NSRP1: variants seen among roughly 807,000 people sequenced by gnomAD.
NSRP1 encodes coiled-coil domain containing 55.
A neutral mutation model predicts 54.7 loss-of-function variants in NSRP1; 24 were observed. That is an observed-to-expected ratio of 0.44 (90% CI 0.32 to 0.62). The LOEUF (loss-of-function observed/expected upper bound fraction) is 0.62. Ranked by LOEUF, NSRP1 falls within the 20% of genes least tolerant of loss-of-function variation. The pLI is 0.06. For missense variants in NSRP1, 596 were observed against 651.2 expected, an observed-to-expected ratio of 0.92 and a Z score of 0.92; for synonymous variants, 210 against 213.8, an observed-to-expected ratio of 0.98 and a Z score of 0.15.
At chr17:30,175,792 A>G (rs943046768) in intron 3 of NSRP1, among the ~76,000 whole-genome samples, 3 of 152,152 alleles carry the variant, frequency 2.0e-5, no homozygotes, top group African/African-American at 7.2e-5. Context: ...ATGGTCCAGT[A>G]TATAGTCAGT....
At chr17:30,163,248 T>TGTGTGTGTGTG (rs1567801745) in intron 2 of NSRP1, 7 of 131,366 alleles carry the variant, frequency 5.3e-5, no homozygotes, top group African/African-American at 1.5e-4. Context: ...TGTGTGTGTG[T>TGTGTGTGTGTG]TTTTAGTAGA....
intron 1 of NSRP1, chr17:30,117,135 C>A: frequency 1.4e-6 from 1 of 734,658 alleles, no homozygotes. Flanking sequence ...TCCAAAAGCT[C>A]GGTCTGAGGC....
chr17:30,176,006 C>T (rs1212043162), intron 3 of NSRP1, among the ~76,000 whole-genome samples: 2 of 151,286 alleles, frequency 1.3e-5, no homozygotes, highest in South Asian at 2.1e-4. Context: ...CCGAACCCCC[C>T]CCCCAAAAAA....
At chr17:30,176,665 T>C (rs1905138576) in intron 3 of NSRP1, among the ~76,000 whole-genome samples, 1 of 146,180 alleles carries the variant, frequency 6.8e-6, no homozygotes, top group Non-Finnish European at 1.5e-5. Context: ...CTTTTTGTTA[T>C]TGTAGTGGTG....
intron 2 of NSRP1, among the ~76,000 whole-genome samples, chr17:30,124,008 T>G (rs2071627544): frequency 6.6e-6 from 1 of 152,112 alleles, no homozygotes; most frequent in Non-Finnish European, 1.5e-5. Context: ...GCATGATAAC[T>G]CATGCCTGTA....
chr17:30,176,103 TG>T (rs1312049367), intron 3 of NSRP1, among the ~76,000 whole-genome samples: 3 of 104,300 alleles, frequency 2.9e-5, no homozygotes, highest in Non-Finnish European at 5.7e-5. Flanking sequence ...TTGTTGTTGT[TG>T]TTGTTTTGTT....
chr17:30,127,834 TA>T lies in NSRP1; in HGVS notation c.114+9662del, dbSNP rs779545681. On this transcript the variant is annotated intron_variant, in intron 2 of 6. Transcript: ENST00000247026. Reference sequence around the variant, plus strand: ...ATTTTATTTAATTTACATTACTTATTATTTTTTTTCATTTTTTGAGACAGGA... The same window carrying T: ...ATTTTATTTAATTTACATTACTTATTTTTTTTTTCATTTTTTGAGACAGGA... 9.9e-5 allele frequency: 39 copies of T among 394,940 alleles called. No homozygotes were observed. The Admixed American group carries it at 1.1e-3, about 11-fold the overall frequency. The allele number at this position is 394,940 out of a possible 1,614,324, so 24.5% of individuals were successfully genotyped here.
chr17:30,150,662 GC>G, intron 2 of NSRP1: 1 of 137,520 alleles, frequency 7.3e-6, no homozygotes, highest in East Asian at 2.1e-4. Flanking sequence ...GAGCCACCGC[GC>G]CCAGCCGTTT....
At chr17:30,134,559 G>GCAGCTAAGGAAAAATGAGAGATTTTA (rs1180258467) in intron 2 of NSRP1, among the ~76,000 whole-genome samples, 3 of 152,200 alleles carry the variant, frequency 2.0e-5, no homozygotes, top group Non-Finnish European at 4.4e-5. Context: ...TGAAAGAGAA[G>GCAGCTAAGGAAAAATGAGAGATTTTA]CAGCTAAGGA....
At chr17:30,135,219 A>G (rs982503360) in intron 2 of NSRP1, among the ~76,000 whole-genome samples, 5 of 151,440 alleles carry the variant, frequency 3.3e-5, no homozygotes, top group African/African-American at 1.2e-4. Flanking sequence ...CCAGGACTCA[A>G]GCGATCCTCC....
intron 2 of NSRP1, among the ~76,000 whole-genome samples, chr17:30,142,767 A>G (rs1255163649): frequency 6.6e-6 from 1 of 152,210 alleles, no homozygotes; most frequent in Non-Finnish European, 1.5e-5. Flanking sequence ...TGTTGTCTCC[A>G]TCCGACTTTG....
intron 5 of NSRP1, 137 bp downstream of exon 5, chr17:30,179,434 G>A: frequency 7.6e-7 from 1 of 1,324,466 alleles, no homozygotes; most frequent in Non-Finnish European, 9.8e-7. Context: ...CAAGACACAA[G>A]GAATATGGTA....
intron 2 of NSRP1, among the ~76,000 whole-genome samples, chr17:30,162,652 A>G (rs4356528): frequency 0.39 from 58,954 of 152,034 alleles, 13,666 homozygotes; most frequent in East Asian, 0.82. Flanking sequence ...TGCAACTTTT[A>G]TTTAAGAAAG....
chr17:30,154,181 T>C (rs9913074), intron 2 of NSRP1, among the ~76,000 whole-genome samples: 75,339 of 151,696 alleles, frequency 0.5, 19,253 homozygotes, highest in East Asian at 0.82. Flanking sequence ...ATAAGCCAGA[T>C]GTGGTGGCAG....
intron 6 of NSRP1, among the ~76,000 whole-genome samples, 192 bp downstream of exon 6, chr17:30,181,208 GA>G (rs1486732948): frequency 7.2e-5 from 11 of 152,098 alleles, no homozygotes; most frequent in Admixed American, 7.2e-4. Flanking sequence ...TTTAGTTTAA[GA>G]TCATTTTTAT....
At chr17:30,169,289 T>G (rs1489189939) in intron 2 of NSRP1, among the ~76,000 whole-genome samples, 1 of 152,026 alleles carries the variant, frequency 6.6e-6, no homozygotes, top group Non-Finnish European at 1.5e-5. Context: ...TAGTTTAGAT[T>G]GAAGCATCCA....
intron 4 of NSRP1, 148 bp from the exon 5 acceptor site, chr17:30,178,942 T>C (rs943716205): frequency 4.7e-6 from 2 of 423,488 alleles, no homozygotes; most frequent in Non-Finnish European, 8.0e-6. Context: ...GTTTCAATAT[T>C]AATCTTGCTA....
rs778801204 is a variant in NSRP1, at chr17:30,185,027, C to G, written c.1030C>G (p.His344Asp). ...TGATTACCGGAAAGAAAGGGATTCT[C>G]ATAGGCACAGAGAGGCCAGTCATAG... is the stretch of plus-strand genomic sequence containing the variant. Reference protein sequence around the residue: ...DRDYRKERDSHRHREASHRDS... With the variant: ...DRDYRKERDSDRHREASHRDS... The change falls in exon 7 of 7, where the codon CAT (histidine) becomes GAT (aspartate). Residue 344 changes from histidine to aspartate, a missense_variant. Physicochemically the swap from His to Asp is moderately conservative, Grantham distance 81. Transcript: ENST00000247026. 1 of 1,614,052 alleles carries G rather than the reference C, an allele frequency of 6.2e-7. No homozygotes were observed.
intron 4 of NSRP1, among the ~76,000 whole-genome samples, chr17:30,178,734 A>C (rs1036186499): frequency 6.6e-6 from 1 of 152,160 alleles, no homozygotes; most frequent in African/African-American, 2.4e-5. Context: ...GATGGTATAA[A>C]ATTATATTAA....
Sources: allele counts gnomAD v4.1 joint callset (sites outside exome capture counted in the v4.1 genomes callset), GRCh38; gene constraint gnomAD v4.1.1; transcripts MANE v1.5; gene names NCBI Gene and HGNC (gene_info 2026-07-23, HGNC 2026-07-21).